LRRIQ3: variants seen among roughly 807,000 people sequenced by gnomAD.
LRRIQ3 encodes the protein leucine rich repeats and IQ motif containing 3, also known as leucine-rich repeat and IQ domain-containing protein 3.
A neutral mutation model predicts 59.3 loss-of-function variants in LRRIQ3; 75 were observed. The observed-to-expected ratio is 1.26, with a 90% CI of 1.05 to 1.53. The LOEUF (loss-of-function observed/expected upper bound fraction) is 1.53, where lower values mean the gene tolerates loss of function less well. Among genes scored for constraint, LRRIQ3 ranks in the 40% most tolerant of loss-of-function variants. LRRIQ3 has a pLI of 0.00. For missense variants in LRRIQ3, 831 were observed against 710.0 expected, an observed-to-expected ratio of 1.17 and a Z score of -1.94; for synonymous variants, 250 against 231.3, an observed-to-expected ratio of 1.08 and a Z score of -0.73.
rs144211430 is a variant in LRRIQ3, at chr1:74,065,360, TTAGCATCA to T, written c.997+9293_997+9300del. On this transcript the variant is annotated intron_variant, in intron 6 of 7. Coordinates refer to ENST00000354431, the MANE Select transcript of LRRIQ3 (RefSeq NM_001105659.2). ...CCCCTTGTTTTGATTCCAAGTCCCC[TTAGCATCA>T]TAATTACCCTTCTCTCTAAAAGCTT... Among the ~76,000 whole-genome samples, 664 of 152,228 alleles carry T rather than the reference TTAGCATCA, an allele frequency of 4.4e-3. 8 individuals are homozygous for T. The highest frequency in any genetic ancestry group is 0.015 in the African/African-American group (625 of 41,562).
chr1:74,029,733 C>T (rs1284878039), intron 7 of LRRIQ3, among the ~76,000 whole-genome samples: 1 of 152,042 alleles, frequency 6.6e-6, no homozygotes, highest in East Asian at 1.9e-4. Context: ...AGGGAGGATT[C>T]CTTCTTTTTC....
intron 7 of LRRIQ3, among the ~76,000 whole-genome samples, chr1:74,039,412 CT>C (rs1322723287): frequency 2.6e-5 from 4 of 152,114 alleles, no homozygotes; most frequent in Non-Finnish European, 4.4e-5. Context: ...TGTCAGGATA[CT>C]ATCTAGAAGA....
intron 7 of LRRIQ3, among the ~76,000 whole-genome samples, chr1:74,035,687 C>A (rs1195964996): frequency 6.6e-6 from 1 of 152,078 alleles, no homozygotes; most frequent in Admixed American, 6.6e-5. Flanking sequence ...TGGTAGGAAT[C>A]CTAATGGTCT....
At chr1:74,178,295 T>C in intron 3 of LRRIQ3, among the ~76,000 whole-genome samples, 1 of 152,058 alleles carries the variant, frequency 6.6e-6, no homozygotes, top group African/African-American at 2.4e-5. Flanking sequence ...TGTAAACATG[T>C]AATTTTCATA....
intron 5 of LRRIQ3, among the ~76,000 whole-genome samples, chr1:74,107,884 A>G (rs1296007922): frequency 6.6e-6 from 1 of 151,698 alleles, no homozygotes; most frequent in African/African-American, 2.4e-5. Context: ...AGTAACATTA[A>G]TAATTACACA....
At chr1:74,052,839 G>A (rs1437877741) in intron 6 of LRRIQ3, among the ~76,000 whole-genome samples, 1 of 151,998 alleles carries the variant, frequency 6.6e-6, no homozygotes, top group Non-Finnish European at 1.5e-5. Flanking sequence ...ATTCTAGATT[G>A]TAGGAATCTT....
chr1:74,099,026 C>A (rs1313256624), intron 5 of LRRIQ3, among the ~76,000 whole-genome samples: 3 of 152,020 alleles, frequency 2.0e-5, no homozygotes, highest in Non-Finnish European at 2.9e-5. Flanking sequence ...CATTCAAAAG[C>A]TAGCAGAAGG....
intron 6 of LRRIQ3, among the ~76,000 whole-genome samples, chr1:74,042,707 G>A (rs1020240258): frequency 6.6e-6 from 1 of 152,100 alleles, no homozygotes; most frequent in African/African-American, 2.4e-5. Context: ...GAAAATAGTA[G>A]CAGCCATCAA....
At chr1:74,052,324 C>A (rs755593733) in intron 6 of LRRIQ3, among the ~76,000 whole-genome samples, 1 of 152,084 alleles carries the variant, frequency 6.6e-6, no homozygotes, top group Non-Finnish European at 1.5e-5. Context: ...CAATCACTTG[C>A]ATATCTGAAA....
intron 4 of LRRIQ3, among the ~76,000 whole-genome samples, chr1:74,111,575 G>A (rs1053635382): frequency 3.3e-5 from 5 of 152,200 alleles, no homozygotes; most frequent in Admixed American, 1.3e-4. Context: ...GAGAAATTCT[G>A]TGGAATCTCT....
chr1:74,150,263 C>T (rs770666913), intron 4 of LRRIQ3, among the ~76,000 whole-genome samples: 14 of 152,080 alleles, frequency 9.2e-5, no homozygotes, highest in Non-Finnish European at 2.1e-4. Flanking sequence ...GTATCACAGG[C>T]CTGGACTTCT....
chr1:74,060,249 T>C (rs796353837), intron 6 of LRRIQ3, among the ~76,000 whole-genome samples: 2 of 127,180 alleles, frequency 1.6e-5, no homozygotes, highest in East Asian at 4.8e-4. Flanking sequence ...CTTCTTCTTC[T>C]TCTTCTTCCT....
At position 74,089,196 on chromosome 1, in the gene LRRIQ3, A is replaced by G. The variant is rs575967354; in HGVS notation, c.868-14406T>C. On this transcript the variant is annotated intron_variant, in intron 5 of 7. Coordinates refer to ENST00000354431, the MANE Select transcript of LRRIQ3 (RefSeq NM_001105659.2). The stretch of plus-strand genomic sequence containing the variant: ...GGGTTTTGGAGAAATTGTAACTCTC[A>G]TGCATTTATCATGTGAATGCAAAAT... Among the ~76,000 whole-genome samples the G allele has an allele frequency of 7.9e-5, 12 of 152,246 alleles. No individual in the cohort carries two copies. The South Asian group carries it at 2.5e-3, about 32-fold the overall frequency.
At chr1:74,063,758 A>G (rs914492237) in intron 6 of LRRIQ3, among the ~76,000 whole-genome samples, 1 of 151,840 alleles carries the variant, frequency 6.6e-6, no homozygotes, top group African/African-American at 2.4e-5. Flanking sequence ...CCATCATTTT[A>G]GTTTCAAATT....
At chr1:74,103,605 T>TATGTTTATAATATGTTTATAATATGGAAA (rs1646564367) in intron 5 of LRRIQ3, among the ~76,000 whole-genome samples, 1 of 151,980 alleles carries the variant, frequency 6.6e-6, no homozygotes, top group East Asian at 1.9e-4. Flanking sequence ...AACATATTTT[T>TATGTTTATAATATGTTTATAATATGGAAA]TAGCATTCCA....
chr1:74,111,709 A>G (rs1215040871), intron 4 of LRRIQ3, among the ~76,000 whole-genome samples: 1 of 152,086 alleles, frequency 6.6e-6, no homozygotes, highest in Non-Finnish European at 1.5e-5. Flanking sequence ...CAGTGTTAAC[A>G]GTGAATCTTT....
At chr1:74,167,915 G>T (rs183554784) in intron 3 of LRRIQ3, among the ~76,000 whole-genome samples, 1 of 151,862 alleles carries the variant, frequency 6.6e-6, no homozygotes, top group Admixed American at 6.6e-5. Flanking sequence ...TTATCTTTCT[G>T]TCATCAGATA....
intron 4 of LRRIQ3, among the ~76,000 whole-genome samples, chr1:74,127,194 G>A (rs1344787079): frequency 1.3e-5 from 2 of 151,876 alleles, no homozygotes; most frequent in Non-Finnish European, 2.9e-5. Context: ...GCATTGGCAT[G>A]GAATATCTTT....
chr1:74,161,363 T>C (rs1648649004), intron 3 of LRRIQ3, among the ~76,000 whole-genome samples: 1 of 152,080 alleles, frequency 6.6e-6, no homozygotes, highest in African/African-American at 2.4e-5. Flanking sequence ...CGACAAAAAG[T>C]CTTTGCTATG....
Sources: gnomAD v4.1 joint callset for allele counts (sites outside exome capture counted in the v4.1 genomes callset) on GRCh38, gnomAD v4.1.1 for gene constraint, MANE v1.5 for transcripts, NCBI Gene and HGNC (gene_info 2026-07-23, HGNC 2026-07-21) for gene names.